Variants in GPR26 observed in about 807,000 individuals in gnomAD.
The protein encoded by GPR26 is G protein-coupled receptor 26.
GPR26 carries 15 observed loss-of-function variants against 23.1 expected under a neutral mutation model. The ratio of observed to expected loss-of-function variants is 0.65; its 90% CI spans 0.43 to 1.00. The LOEUF is 1.00. Among genes scored for constraint, GPR26 ranks in the 50% least tolerant of loss-of-function variants. GPR26 has a pLI of 0.00. For synonymous variants in GPR26, 228 were observed against 222.1 expected (o/e 1.03, Z -0.24); for missense variants, 359 against 470.5 (o/e 0.76, Z 2.19).
rs2133933430 is a variant in GPR26, at chr10:123,689,871, T to A, written c.*1711T>A. The A allele has an allele frequency of 6.6e-6, 1 of 152,294 alleles. No homozygotes were observed. Among genetic ancestry groups the A allele is most frequent in the East Asian group, 1.9e-4 (1 of 5,186 alleles). The allele number at this position is 152,294 out of a possible 1,614,324, so 9.4% of individuals were successfully genotyped here. A position where few individuals can be genotyped will look rare whatever the true frequency, so the allele number is the denominator to read the frequency against. Reference sequence around the variant, plus strand: ...TGTAGCTTCCAAGGAGGCCTTGGCATCTTGCAGTTGCTGTCAGAGATGGGC... The same window carrying A: ...TGTAGCTTCCAAGGAGGCCTTGGCAACTTGCAGTTGCTGTCAGAGATGGGC... On this transcript the variant is annotated 3_prime_UTR_variant, in exon 3 of 3. Transcript: ENST00000284674.
At chr10:123,669,014 G>A (rs1487227143) in intron 1 of GPR26, among the ~76,000 whole-genome samples, 2 of 152,194 alleles carry the variant, frequency 1.3e-5, no homozygotes, top group African/African-American at 4.8e-5. Context: ...CTCAGGAGTG[G>A]AGGCAGCTAC....
At chr10:123,685,474 C>T (rs564541191) in intron 2 of GPR26, among the ~76,000 whole-genome samples, 2 of 152,342 alleles carry the variant, frequency 1.3e-5, no homozygotes, top group South Asian at 4.1e-4. Context: ...CAGCCAGCCA[C>T]AGCCGGGCCT....
At position 123,687,980 on chromosome 10, in the gene GPR26, G is replaced by A. The variant is rs752930101; in HGVS notation, c.834G>A (p.Leu278=). The A allele has an allele frequency of 5.6e-6, 9 of 1,613,958 alleles. No homozygotes were observed. The highest frequency in any genetic ancestry group is 5.9e-6 in the Non-Finnish European group (7 of 1,179,946). The change falls in exon 3 of 3, where the codon CTG becomes CTA. Residue 278 remains leucine, a synonymous_variant. Coordinates refer to ENST00000284674, the MANE Select transcript of GPR26 (RefSeq NM_153442.4). ...TVPIGSHWGV[L]SKCLAYSKAA... ...CCATCGGCTCCCACTGGGGGGTGCT[G>A]TCCAAGTGCTTGGCGTACAGCAAGG...
chr10:123,677,064 G>A (rs73379640), intron 2 of GPR26, among the ~76,000 whole-genome samples: 6,243 of 152,252 alleles, frequency 0.041, 437 homozygotes, highest in African/African-American at 0.14. Context: ...CCCAGAAGCC[G>A]GACAGCCGTG....
At chr10:123,668,320 G>A (rs2133920964) in intron 1 of GPR26, among the ~76,000 whole-genome samples, 1 of 152,296 alleles carries the variant, frequency 6.6e-6, no homozygotes, top group African/African-American at 2.4e-5. Flanking sequence ...GTGTGCACGT[G>A]TTCATTGTCC....
At chr10:123,675,566 C>T (rs896620938) in intron 2 of GPR26, among the ~76,000 whole-genome samples, 6 of 152,122 alleles carry the variant, frequency 3.9e-5, no homozygotes, top group African/African-American at 1.4e-4. Flanking sequence ...ATCTCTCAAG[C>T]CAGCTTGCTC....
chr10:123,666,982 A>C lies in GPR26; in HGVS notation c.575A>C (p.Tyr192Ser), dbSNP rs747975832. The C allele has an allele frequency of 6.2e-7, 1 of 1,613,488 alleles. No homozygotes were observed. The highest frequency in any genetic ancestry group is 8.5e-7 in the Non-Finnish European group (1 of 1,179,796). Residue 192 changes from tyrosine (Y) to serine (S), a missense_variant, in exon 1 of 3, where the codon TAC becomes TCC. Coordinates refer to ENST00000284674, the MANE Select transcript of GPR26 (RefSeq NM_153442.4). ...TCCTTCGTCGTGCTCTGCTGCACGT[A>C]CCTCAAGGTGCTCAAGGTGGCCCGC... ...LLSFVVLCCT[Y>S]LKVLKVARFH... is the part of the protein sequence containing the mutation.
chr10:123,666,433 C>G lies in GPR26; in HGVS notation c.26C>G (p.Ala9Gly). The G allele has an allele frequency of 6.5e-7, 1 of 1,528,816 alleles. No individual in the cohort carries two copies. Among genetic ancestry groups the G allele is most frequent in the Non-Finnish European group, 8.7e-7 (1 of 1,147,182 alleles). The allele number at this position is 1,528,816 out of a possible 1,614,324, so 94.7% of individuals were successfully genotyped here. Residue 9 changes from alanine to glycine, a missense_variant, in exon 1 of 3, where the codon GCG becomes GGG. Physicochemically the swap from Ala to Gly is moderately conservative, Grantham distance 60 (BLOSUM62 0). Coordinates refer to ENST00000284674, the MANE Select transcript of GPR26 (RefSeq NM_153442.4). ...ATGAACTCGTGGGACGCGGGCCTGGCGGGGCTACTGGTGGGCACGATGGGC... is the reference window on the plus strand; with the variant it reads ...ATGAACTCGTGGGACGCGGGCCTGGGGGGGCTACTGGTGGGCACGATGGGC... MNSWDAGL[A>G]GLLVGTMGVS... is the part of the protein sequence containing the mutation.
rs1359260582 is a variant in GPR26 at position 123,666,824 on chromosome 10, C to A, written c.417C>A (p.Ala139=). The A allele has an allele frequency of 6.2e-7, 1 of 1,608,846 alleles. No individual in the cohort carries two copies. Among genetic ancestry groups the A allele is most frequent in the Non-Finnish European group, 8.5e-7 (1 of 1,178,116 alleles). ...GGCTGCACGCGCTCACCTTCCCAGC[C>A]GCCGCGCTCGCCCTGTCCTGGCTCG... ...YTWLHALTFP[A]AALALSWLGF... is the part of the protein sequence containing the mutation. Residue 139 remains alanine (A), a synonymous_variant, in exon 1 of 3, where the codon GCC becomes GCA. Transcript: ENST00000284674.
chr10:123,683,669 C>T (rs1054816525), intron 2 of GPR26, among the ~76,000 whole-genome samples: 5 of 152,164 alleles, frequency 3.3e-5, no homozygotes, highest in Non-Finnish European at 5.9e-5. Flanking sequence ...CAGCCCTGGA[C>T]TGCGGCAGCC....
At chr10:123,687,404 C>T (rs1249231371) in intron 2 of GPR26, among the ~76,000 whole-genome samples, 2 of 152,190 alleles carry the variant, frequency 1.3e-5, no homozygotes, top group African/African-American at 4.8e-5. Context: ...ACGATATTGT[C>T]CCACCTTTTT....
At chr10:123,686,217 T>C (rs1173239341) in intron 2 of GPR26, among the ~76,000 whole-genome samples, 2 of 152,224 alleles carry the variant, frequency 1.3e-5, no homozygotes, top group Non-Finnish European at 2.9e-5. Flanking sequence ...TAAAAAACTA[T>C]AGACATTTTG....
chr10:123,671,264 T>A (rs142489097), intron 1 of GPR26, among the ~76,000 whole-genome samples: 1 of 152,170 alleles, frequency 6.6e-6, no homozygotes, highest in Admixed American at 6.5e-5. Context: ...ATTCCCAGAA[T>A]GTGCCATCCC....
Position 123,696,892 on chromosome 10 carries a change from C to T in GPR26, c.*8732C>T, listed in dbSNP as rs144619213. ...TTGTGTGCCCATGAGTATATGCATA[C>T]GGGTGAATGTTTGTGTGCCCATGAG... On this transcript the variant is annotated 3_prime_UTR_variant, in exon 3 of 3. Transcript: ENST00000284674. 5.3e-5 allele frequency among the ~76,000 whole-genome samples: 7 copies of T among 132,428 alleles called. No individual in the cohort carries two copies. Among genetic ancestry groups the T allele is most frequent in the South Asian group, 4.8e-4 (2 of 4,162 alleles). 86.9% of individuals were successfully genotyped at this position (132,428 alleles called of 152,430 possible). A position where few individuals can be genotyped will look rare whatever the true frequency, so the allele number is the denominator to read the frequency against.
In GPR26 at chr10:123,693,208, A is replaced by G. The variant is rs188017943; in HGVS notation, c.*5048A>G. The G allele has an allele frequency of 6.6e-6, 1 of 152,348 alleles. No homozygotes were observed. Among genetic ancestry groups the G allele is most frequent in the East Asian group, 1.9e-4 (1 of 5,184 alleles). The allele number at this position is 152,348 out of a possible 1,614,324, so 9.4% of individuals were successfully genotyped here. A position where few individuals can be genotyped will look rare whatever the true frequency, so the allele number is the denominator to read the frequency against. ...GTGTTTCTAGGGGAATTCTGAGGGAAGAAGCTTTGCAGCAACCTCTGTGCC... is the reference window on the plus strand; with the variant it reads ...GTGTTTCTAGGGGAATTCTGAGGGAGGAAGCTTTGCAGCAACCTCTGTGCC... On this transcript the variant is annotated 3_prime_UTR_variant, in exon 3 of 3. Coordinates refer to ENST00000284674, the MANE Select transcript of GPR26 (RefSeq NM_153442.4).
Position 123,666,521 on chromosome 10 carries a change from C to G in GPR26, c.114C>G (p.Arg38=), listed in dbSNP as rs1564728660. 6.3e-7 allele frequency: 1 copy of G among 1,582,638 alleles called. No homozygotes were observed. Among genetic ancestry groups the G allele is most frequent in the Non-Finnish European group, 8.6e-7 (1 of 1,167,924 alleles). ...TGCTGCACAGCGCGGACATCCGCCG[C>G]CAGGCGCCGGCGCTCTTCACCCTGA... The part of the protein sequence containing the change: ...LCLLHSADIR[R]QAPALFTLNL... Residue 38 remains arginine, a synonymous_variant, in exon 1 of 3, where the codon CGC becomes CGG. Transcript: ENST00000284674.
intron 1 of GPR26, among the ~76,000 whole-genome samples, chr10:123,669,988 G>A (rs1337364791): frequency 1.3e-5 from 2 of 152,222 alleles, no homozygotes; most frequent in African/African-American, 2.4e-5. Flanking sequence ...TCTCCCTGGT[G>A]CTCCCAGGCA....
chr10:123,685,359 T>A (rs1845420243), intron 2 of GPR26, among the ~76,000 whole-genome samples: 1 of 152,178 alleles, frequency 6.6e-6, no homozygotes, highest in Non-Finnish European at 1.5e-5. Context: ...CCTCTTCTCA[T>A]CAACGAAAGG....
chr10:123,672,331 G>A (rs12266850), intron 1 of GPR26, among the ~76,000 whole-genome samples: 1 of 152,152 alleles, frequency 6.6e-6, no homozygotes, highest in African/African-American at 2.4e-5. Flanking sequence ...TGGCTGTGGA[G>A]TCTTTTAGCT....
Sources: allele counts gnomAD v4.1 joint callset (sites outside exome capture counted in the v4.1 genomes callset), GRCh38; gene constraint gnomAD v4.1.1; transcripts MANE v1.5; gene names NCBI Gene and HGNC (gene_info 2026-07-23, HGNC 2026-07-21).